Variants in DTWD2 observed in about 807,000 individuals in gnomAD.
DTWD2 encodes tRNA-uridine aminocarboxypropyltransferase 2.
Under a neutral mutation model 31.8 loss-of-function variants are expected in DTWD2, and 39 were observed. The observed-to-expected ratio is 1.22, with a 90% CI of 0.95 to 1.60. The LOEUF is 1.60. DTWD2 is among the 40% of genes most tolerant of loss of function. The pLI is 0.00. For synonymous variants in DTWD2, 180 were observed against 142.8 expected (o/e 1.26, Z -1.86); for missense variants, 515 against 381.5 (o/e 1.35, Z -2.92).
At chr5:118,859,641 T>G (rs149549733) in intron 4 of DTWD2, among the ~76,000 whole-genome samples, 1 of 152,298 alleles carries the variant, frequency 6.6e-6, no homozygotes, top group African/African-American at 2.4e-5. Context: ...CATTTTTATG[T>G]AAATGATTTA....
At chr5:118,931,009 T>C (rs1021644764) in intron 3 of DTWD2, among the ~76,000 whole-genome samples, 2 of 152,074 alleles carry the variant, frequency 1.3e-5, no homozygotes, top group Non-Finnish European at 2.9e-5. Context: ...TTGTACATTT[T>C]AAATTGGTAA....
intron 1 of DTWD2, among the ~76,000 whole-genome samples, chr5:118,967,570 C>G (rs1754881230): frequency 6.6e-6 from 1 of 152,044 alleles, no homozygotes; most frequent in African/African-American, 2.4e-5. Flanking sequence ...AGGAACCAAC[C>G]TGAAAGAGTT....
chr5:118,968,101 A>C (rs1247817739), intron 1 of DTWD2, among the ~76,000 whole-genome samples: 1 of 152,120 alleles, frequency 6.6e-6, no homozygotes, highest in East Asian at 1.9e-4. Flanking sequence ...AAAATGTATA[A>C]CCTTGCTGTA....
At chr5:118,894,896 T>A (rs1366735178) in intron 4 of DTWD2, among the ~76,000 whole-genome samples, 1 of 152,072 alleles carries the variant, frequency 6.6e-6, no homozygotes, top group South Asian at 2.1e-4. Context: ...AAACCACAGC[T>A]ATTATCACAC....
rs11957794 is a variant in DTWD2 at position 118,973,866 on chromosome 5, T to C, written c.218+14428A>G. 8,493 of 1,611,738 alleles carry C rather than the reference T, an allele frequency of 5.3e-3. 355 individuals carry two copies. In the African/African-American group the frequency reaches 0.093, roughly 18 times the overall value. On this transcript the variant is annotated intron_variant, in intron 1 of 5. Coordinates refer to ENST00000510708, the MANE Select transcript of DTWD2 (RefSeq NM_173666.4). ...GACTTACAGGAGAAGAAGGAAGTTG[T>C]GGAAGAGGCAGAAAATGGAAGAGAC...
Position 118,954,999 on chromosome 5 carries a change from T to A in DTWD2, c.219-10350A>T, listed in dbSNP as rs890747965. Among the ~76,000 whole-genome samples the A allele has an allele frequency of 5.3e-5, 8 of 152,304 alleles. No homozygotes were observed. The South Asian group carries it at 1.2e-3, about 24-fold the overall frequency. ...TACAAATGAAATTCAGAGTGTCAGG[T>A]CTTCCTTTATTATATTTTGTGATCA... is the stretch of plus-strand genomic sequence containing the variant. On this transcript the variant is annotated intron_variant, in intron 1 of 5. Transcript: ENST00000510708.
At chr5:118,899,864 C>A (rs1191465195) in intron 4 of DTWD2, among the ~76,000 whole-genome samples, 1 of 147,378 alleles carries the variant, frequency 6.8e-6, no homozygotes, top group African/African-American at 2.5e-5. Context: ...TACAGTGGCA[C>A]GATCTCGGCT....
intron 4 of DTWD2, among the ~76,000 whole-genome samples, chr5:118,899,551 T>C (rs1753157376): frequency 6.6e-6 from 1 of 152,094 alleles, no homozygotes; most frequent in Non-Finnish European, 1.5e-5. Flanking sequence ...CGAATATATA[T>C]ACCAAAGTGC....
At chr5:118,980,437 C>CT (rs1235373717) in intron 1 of DTWD2, among the ~76,000 whole-genome samples, 2 of 152,214 alleles carry the variant, frequency 1.3e-5, no homozygotes, top group African/African-American at 4.8e-5. Context: ...AATTTCATGT[C>CT]TTTTGCCAGT....
chr5:118,850,820 CA>C (rs968467296), intron 4 of DTWD2, among the ~76,000 whole-genome samples: 8 of 151,820 alleles, frequency 5.3e-5, no homozygotes, highest in Admixed American at 2.6e-4. Flanking sequence ...AAATTTCAAG[CA>C]AAAAACAAAG....
intron 4 of DTWD2, among the ~76,000 whole-genome samples, chr5:118,907,685 TG>T (rs1238623406): frequency 1.3e-5 from 2 of 151,332 alleles, no homozygotes; most frequent in Non-Finnish European, 2.9e-5. Flanking sequence ...GAGCCAAGAT[TG>T]TGCCACTGCA....
chr5:118,857,384 C>T (rs1752162242), intron 4 of DTWD2, among the ~76,000 whole-genome samples: 1 of 151,974 alleles, frequency 6.6e-6, no homozygotes, highest in South Asian at 2.1e-4. Flanking sequence ...TTACTTTGGC[C>T]ATATGTTGGG....
chr5:118,935,007 G>C (rs1390286109), intron 3 of DTWD2, among the ~76,000 whole-genome samples: 1 of 152,126 alleles, frequency 6.6e-6, no homozygotes, highest in Non-Finnish European at 1.5e-5. Context: ...GACAGCTCCA[G>C]GGTGGGATTA....
chr5:118,876,381 A>G (rs1016240960), intron 4 of DTWD2, among the ~76,000 whole-genome samples: 1 of 152,130 alleles, frequency 6.6e-6, no homozygotes, highest in Non-Finnish European at 1.5e-5. Context: ...TAAGACATGA[A>G]AAACCGTGAA....
At chr5:118,934,986 T>C (rs1754005416) in intron 3 of DTWD2, among the ~76,000 whole-genome samples, 1 of 152,150 alleles carries the variant, frequency 6.6e-6, no homozygotes, top group African/African-American at 2.4e-5. Flanking sequence ...TTTTGTATGC[T>C]AATATTGACT....
chr5:118,900,223 C>T (rs956861183), intron 4 of DTWD2, among the ~76,000 whole-genome samples: 1 of 152,140 alleles, frequency 6.6e-6, no homozygotes. Context: ...ACATATACCA[C>T]CATTTGTTCA....
At chr5:118,945,360 C>T (rs1022405504) in intron 1 of DTWD2, among the ~76,000 whole-genome samples, 1 of 152,198 alleles carries the variant, frequency 6.6e-6, no homozygotes, top group Non-Finnish European at 1.5e-5. Flanking sequence ...ACAGTATTCT[C>T]TTCCTTTAGG....
intron 1 of DTWD2, among the ~76,000 whole-genome samples, chr5:118,984,631 TGAAAA>T (rs1488867949): frequency 6.6e-6 from 1 of 152,224 alleles, no homozygotes; most frequent in Non-Finnish European, 1.5e-5. Flanking sequence ...TTGTTACTTT[TGAAAA>T]GAAAACACTG....
chr5:118,985,783 T>C (rs1755413738), intron 1 of DTWD2, among the ~76,000 whole-genome samples: 1 of 152,142 alleles, frequency 6.6e-6, no homozygotes, highest in Admixed American at 6.5e-5. Context: ...TGAACAAAGT[T>C]ATTTTACAAA....
Sources: gnomAD v4.1 joint callset for allele counts (sites outside exome capture counted in the v4.1 genomes callset) on GRCh38, gnomAD v4.1.1 for gene constraint, MANE v1.5 for transcripts, NCBI Gene and HGNC (gene_info 2026-07-23, HGNC 2026-07-21) for gene names.